SRSF6: variants seen among roughly 807,000 people sequenced by gnomAD.
SRSF6 encodes serine/arginine-rich splicing factor 6.
In SRSF6, 17 loss-of-function variants were observed where a neutral mutation model predicts 42.0. The observed-to-expected ratio is 0.40, with a 90% CI of 0.28 to 0.61. The LOEUF (loss-of-function observed/expected upper bound fraction) is 0.61. Among genes scored for constraint, SRSF6 ranks in the 20% least tolerant of loss-of-function variants. SRSF6 has a pLI of 0.37. For synonymous variants in SRSF6, 204 were observed against 166.7 expected (o/e 1.22, Z -1.72); for missense variants, 379 against 471.4 (o/e 0.80, Z 1.81).
At chr20:43,459,928 G>A (rs1355265181) in intron 3 of SRSF6, 33 bp downstream of exon 3, 1 of 1,601,436 alleles carries the variant, frequency 6.2e-7, no homozygotes, top group African/African-American at 1.3e-5. Flanking sequence ...GAAATGATAT[G>A]ACTAATGCTT....
Position 43,461,110 on chromosome 20 carries a change from A to G in SRSF6, c.*47A>G. ...ATTATTATGGAACACTTTCCTACTT[A>G]GGCAGTTACTCTTCCATGTTTATAC... On this transcript the variant is annotated 3_prime_UTR_variant, in exon 6 of 6. Transcript: ENST00000244020. 6.6e-7 allele frequency: 1 copy of G among 1,508,874 alleles called. No homozygotes were observed. Among genetic ancestry groups the G allele is most frequent in the South Asian group, 1.4e-5 (1 of 73,548 alleles). 93.5% of individuals were successfully genotyped at this position (1,508,874 alleles called of 1,614,324 possible).
rs2017591519 is a variant in SRSF6, at chr20:43,461,339, T to TTTG, written c.*278_*279insGTT. ...AAAGATTAAGCTCATTTAGTGTTGT[T>TTTG]TTTTTTTTTTTTTTTTTTTTTTTTT... On this transcript the variant is annotated 3_prime_UTR_variant, in exon 6 of 6. Transcript: ENST00000244020. 1 of 18,140 alleles carries TTTG rather than the reference T, an allele frequency of 5.5e-5. No individual in the cohort carries two copies. The highest frequency in any genetic ancestry group is 1.3e-4 in the African/African-American group (1 of 7,864). The allele number at this position is 18,140 out of a possible 1,614,324, so 1.1% of individuals were successfully genotyped here.
At position 43,461,343 on chromosome 20, in the gene SRSF6, T is replaced by TTTTTG. The variant is rs2017592284; in HGVS notation, c.*284_*285insGTTTT. Reference sequence around the variant, plus strand: ...ATTAAGCTCATTTAGTGTTGTTTTTTTTTTTTTTTTTTTTTTTTTTTTTTT... The same window carrying TTTTTG: ...ATTAAGCTCATTTAGTGTTGTTTTTTTTTTGTTTTTTTTTTTTTTTTTTTTTTTTT... On this transcript the variant is annotated 3_prime_UTR_variant, in exon 6 of 6. Transcript: ENST00000244020. 2 of 28,618 alleles carry TTTTTG rather than the reference T, an allele frequency of 7.0e-5. No homozygotes were observed. The highest frequency in any genetic ancestry group is 6.9e-4 in the South Asian group (1 of 1,446). 1.8% of individuals were successfully genotyped at this position (28,618 alleles called of 1,614,324 possible).
rs1022947797 is a variant in SRSF6 at position 43,462,917 on chromosome 20, T to C, written c.*1854T>C. 10 of 152,680 alleles carry C rather than the reference T, an allele frequency of 6.5e-5. No individual in the cohort carries two copies. The highest frequency in any genetic ancestry group is 1.2e-4 in the African/African-American group (5 of 41,462). The allele number at this position is 152,680 out of a possible 1,614,324, so 9.5% of individuals were successfully genotyped here. A position where few individuals can be genotyped will look rare whatever the true frequency, so the allele number is the denominator to read the frequency against. On this transcript the variant is annotated 3_prime_UTR_variant, in exon 6 of 6. Coordinates refer to ENST00000244020, the MANE Select transcript of SRSF6 (RefSeq NM_006275.6). The stretch of plus-strand genomic sequence containing the variant: ...TGTCTGTTGTTATAGTTCATTGTTT[T>C]GCCTACTCAGCAGAAGTGATGACTC...
Position 43,463,826 on chromosome 20 carries a change from A to G in SRSF6, c.*2763A>G, listed in dbSNP as rs1017027076. 1 of 152,242 alleles carries G rather than the reference A, an allele frequency of 6.6e-6. No individual in the cohort carries two copies. The highest frequency in any genetic ancestry group is 2.4e-5 in the African/African-American group (1 of 41,464). The allele number at this position is 152,242 out of a possible 1,614,324, so 9.4% of individuals were successfully genotyped here. The stretch of plus-strand genomic sequence containing the variant: ...CAGTGTCATCCATGAAACTAGGGAT[A>G]AAACATGCATGGGATGTGAAGATTA... On this transcript the variant is annotated 3_prime_UTR_variant, in exon 6 of 6. Coordinates refer to ENST00000244020, the MANE Select transcript of SRSF6 (RefSeq NM_006275.6).
rs1203627124 is a variant in SRSF6, at chr20:43,463,398, TTAA to T, written c.*2336_*2338del. On this transcript the variant is annotated 3_prime_UTR_variant, in exon 6 of 6. Transcript: ENST00000244020. Reference sequence around the variant, plus strand: ...TCCATACCAGTGGCTAGATGGAGTATTAAGGTGGAGCAGAAAAGAAGTGAGAAC... The same window carrying T: ...TCCATACCAGTGGCTAGATGGAGTATGGTGGAGCAGAAAAGAAGTGAGAAC... 2 of 154,786 alleles carry T rather than the reference TTAA, an allele frequency of 1.3e-5. No individual in the cohort carries two copies. The highest frequency in any genetic ancestry group is 4.8e-5 in the African/African-American group (2 of 41,510). 9.6% of individuals were successfully genotyped at this position (154,786 alleles called of 1,614,324 possible).
chr20:43,459,016 G>T lies in SRSF6; in HGVS notation c.256+507G>T, dbSNP rs551429704. On this transcript the variant is annotated intron_variant, in intron 2 of 5. Coordinates refer to ENST00000244020, the MANE Select transcript of SRSF6 (RefSeq NM_006275.6). ...CAAAGTAGATCTAAATAAGCTTTAT[G>T]CTGTATTTGAACTAATTGGGGCATG... 15 of 638,506 alleles carry T rather than the reference G, an allele frequency of 2.3e-5. No homozygotes were observed. In the East Asian group the frequency reaches 7.3e-4, roughly 31 times the overall value. The allele number at this position is 638,506 out of a possible 1,614,324, so 39.6% of individuals were successfully genotyped here.
chr20:43,460,971 G>C lies in SRSF6; in HGVS notation c.943G>C (p.Val315Leu), dbSNP rs752337938. 1.9e-6 allele frequency: 3 copies of C among 1,613,946 alleles called. No homozygotes were observed. The East Asian group carries it at 6.7e-5, about 36-fold the overall frequency. Residue 315 changes from valine (V) to leucine (L), a missense_variant, in exon 6 of 6, where the codon GTG becomes CTG. This residue lies in a region of SRSF6 where 219 missense variants were observed against 216.1 expected (regional missense o/e 1.01). Transcript: ENST00000244020. Reference protein sequence around the residue: ...LPVPPSKARSVSPPPKRATSR... With the variant: ...LPVPPSKARSLSPPPKRATSR... ...TGTTCCACCCTCAAAGGCCCGTTCT[G>C]TGTCCCCTCCACCAAAAAGAGCTAC...
rs766689707 is a variant in SRSF6, at chr20:43,461,011, C to T, written c.983C>T (p.Ser328Phe). ...PPKRATSRSR[S>F]RSRSKSRSRS... ...AAAAGAGCTACTTCAAGATCCCGTTCTAGATCTCGCTCAAAGTCAAGATCA... is the reference window on the plus strand; with the variant it reads ...AAAAGAGCTACTTCAAGATCCCGTTTTAGATCTCGCTCAAAGTCAAGATCA... The change falls in exon 6 of 6, where the codon TCT becomes TTT. Residue 328 changes from serine to phenylalanine, a missense_variant. Around this residue, in one of 3 missense-constraint regions of SRSF6, gnomAD observed 219 missense variants for 216.1 expected, o/e 1.01. Coordinates refer to ENST00000244020, the MANE Select transcript of SRSF6 (RefSeq NM_006275.6). 2 of 1,608,002 alleles carry T rather than the reference C, an allele frequency of 1.2e-6. No individual in the cohort carries two copies. Among genetic ancestry groups the T allele is most frequent in the South Asian group, 2.2e-5 (2 of 90,192 alleles).
intron 4 of SRSF6, 78 bp downstream of exon 4, chr20:43,460,319 T>A: frequency 6.6e-7 from 1 of 1,508,928 alleles, no homozygotes; most frequent in Non-Finnish European, 9.1e-7. Context: ...TGTCAATTGT[T>A]GCCTACTTGA....
intron 1 of SRSF6, 78 bp from the exon 2 acceptor site, chr20:43,458,283 G>C: frequency 7.1e-7 from 1 of 1,404,766 alleles, no homozygotes; most frequent in Non-Finnish European, 9.3e-7. Flanking sequence ...GGGGCGCGCG[G>C]TGGGGTACGG....
chr20:43,459,661 G>C, intron 2 of SRSF6, 110 bp from the exon 3 acceptor site: 1 of 1,534,148 alleles, frequency 6.5e-7, no homozygotes, highest in South Asian at 1.2e-5. Context: ...CAATATAATA[G>C]CAAAGTCCTA....
At chr20:43,458,944 T>A (rs1423047899) in intron 2 of SRSF6, among the ~76,000 whole-genome samples, 1 of 152,046 alleles carries the variant, frequency 6.6e-6, no homozygotes, top group Admixed American at 6.6e-5. Context: ...TGGAACTTGA[T>A]GGGGGCCAAA....
Position 43,459,868 on chromosome 20 carries a change from T to G in SRSF6, c.354T>G (p.Ser118=). Residue 118 remains serine, a synonymous_variant, in exon 3 of 6, where the codon TCT becomes TCG. Coordinates refer to ENST00000244020, the MANE Select transcript of SRSF6 (RefSeq NM_006275.6). ...TEYRLIVENL[S]SRCSWQDLKD... is the part of the protein sequence containing the mutation. ...ACAGGCTTATTGTAGAAAATCTTTC[T>G]AGTCGGTGCAGTTGGCAAGATTTAA... The G allele has an allele frequency of 6.2e-7, 1 of 1,609,792 alleles. No homozygotes were observed. Among genetic ancestry groups the G allele is most frequent in the Non-Finnish European group, 8.5e-7 (1 of 1,178,518 alleles).
rs145109946 is a variant in SRSF6 at position 43,460,864 on chromosome 20, G to A, written c.836G>A (p.Arg279Gln). ...AAATCTCGAAGCAGGTCTCGGTCCC[G>A]ATCCCCTAAAGAAAATGGAAAGGGT... ...YEKSRSRSRS[R>Q]SPKENGKGDI... Residue 279 changes from arginine (R) to glutamine (Q), a missense_variant, in exon 6 of 6, where the codon CGA (arginine) becomes CAA (glutamine). Physicochemically the swap from Arg to Gln is conservative, Grantham distance 43. Transcript: ENST00000244020. 2.7e-5 allele frequency: 44 copies of A among 1,613,920 alleles called. No individual in the cohort carries two copies. The highest frequency in any genetic ancestry group is 1.1e-4 in the African/African-American group (8 of 74,846).
At position 43,461,169 on chromosome 20, in the gene SRSF6, CAG is replaced by C. The variant is rs199841660; in HGVS notation, c.*107_*108del. ...TTCTGCAAGAGGAATCTCTTGAAAA[CAG>C]GGGCACACAGAAATTTGATTTGTGG... On this transcript the variant is annotated 3_prime_UTR_variant, in exon 6 of 6. Transcript: ENST00000244020. 0.012 allele frequency: 16,730 copies of C among 1,409,662 alleles called. 130 individuals are homozygous for C. The highest frequency in any genetic ancestry group is 0.013 in the East Asian group (528 of 39,450). 87.3% of individuals were successfully genotyped at this position (1,409,662 alleles called of 1,614,324 possible).
Position 43,459,761 on chromosome 20 carries a change from T to C in SRSF6, c.257-10T>C, listed in dbSNP as rs1450603311. 1.5e-5 allele frequency: 24 copies of C among 1,612,788 alleles called. No individual in the cohort carries two copies. The highest frequency in any genetic ancestry group is 2.0e-5 in the Non-Finnish European group (24 of 1,180,020). ...ACAAGGCATCTAATTGTTCCCTTCA[T>C]GTGATAAAGGTGGTGGAGGTGGATA... On this transcript the variant is annotated splice_polypyrimidine_tract_variant and intron_variant, in intron 2 of 5. Coordinates refer to ENST00000244020, the MANE Select transcript of SRSF6 (RefSeq NM_006275.6).
chr20:43,461,334 GTTGTTTTTTTTTTTT>G lies in SRSF6; in HGVS notation c.*274_*288del, dbSNP rs755280968. ...TTTGTAAAGATTAAGCTCATTTAGT[GTTGTTTTTTTTTTTT>G]TTTTTTTTTTTTTTTTTTTTTTTTT... On this transcript the variant is annotated 3_prime_UTR_variant, in exon 6 of 6. Coordinates refer to ENST00000244020, the MANE Select transcript of SRSF6 (RefSeq NM_006275.6). 16,094 of 55,826 alleles carry G rather than the reference GTTGTTTTTTTTTTTT, an allele frequency of 0.29. 1,432 individuals are homozygous for G. Among genetic ancestry groups the G allele is most frequent in the Non-Finnish European group, 0.36 (11,367 of 31,264 alleles). The allele number at this position is 55,826 out of a possible 1,614,324, so 3.5% of individuals were successfully genotyped here. A position where few individuals can be genotyped will look rare whatever the true frequency, so the allele number is the denominator to read the frequency against.
rs2017619423 is a variant in SRSF6, at chr20:43,462,448, A to G, written c.*1385A>G. 1 of 152,222 alleles carries G rather than the reference A, an allele frequency of 6.6e-6. No homozygotes were observed. The highest frequency in any genetic ancestry group is 2.4e-5 in the African/African-American group (1 of 41,460). The allele number at this position is 152,222 out of a possible 1,614,324, so 9.4% of individuals were successfully genotyped here. A position where few individuals can be genotyped will look rare whatever the true frequency, so the allele number is the denominator to read the frequency against. ...TAATCTTAGTCTGAAATCAAAATAT[A>G]GATTAATTGGCTCAGCTTTAATACC... On this transcript the variant is annotated 3_prime_UTR_variant, in exon 6 of 6. Transcript: ENST00000244020.
Sources: allele counts gnomAD v4.1 joint callset (sites outside exome capture counted in the v4.1 genomes callset), GRCh38; gene constraint gnomAD v4.1.1; regional missense constraint gnomAD v4.1.1; transcripts MANE v1.5; gene names NCBI Gene and HGNC (gene_info 2026-07-23, HGNC 2026-07-21).